The following ARHGAP22 variants were observed in gnomAD, a reference collection of about 807,000 sequenced individuals.
The protein encoded by ARHGAP22 is Rho GTPase activating protein 22, also known as rho GTPase-activating protein 22.
ARHGAP22 carries 48 observed loss-of-function variants against 59.1 expected under a neutral mutation model. The observed-to-expected ratio is 0.81, with a 90% CI of 0.64 to 1.03. ARHGAP22 has a LOEUF of 1.03. Ranked by LOEUF, ARHGAP22 falls within the 50% of genes least tolerant of loss-of-function variation. ARHGAP22 has a pLI of 0.00. For missense variants in ARHGAP22, 1,015 were observed against 958.7 expected, an observed-to-expected ratio of 1.06 and a Z score of -0.78; for synonymous variants, 445 against 416.4, an observed-to-expected ratio of 1.07 and a Z score of -0.84.
intron 1 of ARHGAP22, among the ~76,000 whole-genome samples, chr10:48,643,742 A>C (rs2062161859): frequency 7.5e-6 from 1 of 133,872 alleles, no homozygotes; most frequent in Admixed American, 7.1e-5. Context: ...CCTAGAACTT[A>C]AAGTATAATT....
At chr10:48,646,873 T>C (rs1238329693) in intron 1 of ARHGAP22, among the ~76,000 whole-genome samples, 2 of 152,134 alleles carry the variant, frequency 1.3e-5, no homozygotes, top group African/African-American at 4.8e-5. Context: ...AAAGAAAAGA[T>C]AGAAAAACTG....
intron 1 of ARHGAP22, among the ~76,000 whole-genome samples, chr10:48,631,811 T>G (rs893122601): frequency 2.0e-5 from 3 of 152,230 alleles, no homozygotes; most frequent in Non-Finnish European, 2.9e-5. Flanking sequence ...TTACTTTCAT[T>G]TATTCCTTCT....
chr10:48,476,569 T>C (rs1347613896), intron 4 of ARHGAP22, among the ~76,000 whole-genome samples: 1 of 152,192 alleles, frequency 6.6e-6, no homozygotes, highest in Non-Finnish European at 1.5e-5. Context: ...CCCAGACACG[T>C]CTGGCATCGC....
chr10:48,617,119 A>T, intron 1 of ARHGAP22, among the ~76,000 whole-genome samples: 1 of 152,010 alleles, frequency 6.6e-6, no homozygotes, highest in East Asian at 1.9e-4. Flanking sequence ...ATTGATATTA[A>T]GTTGGTATTA....
chr10:48,446,399 G>T lies in ARHGAP22; in HGVS notation c.2089C>A (p.Pro697Thr), dbSNP rs768138963. 6.2e-7 allele frequency: 1 copy of T among 1,614,044 alleles called. No individual in the cohort carries two copies. Among genetic ancestry groups the T allele is most frequent in the Admixed American group, 1.7e-5 (1 of 60,020 alleles). ...LTVGAKGARA[P>T]K Reference sequence around the variant, plus strand: ...GAGCTCTGCCATTCCTTTTACTTTGGGGCCCTGGCACCTTTTGCCCCAACA... The same window carrying T: ...GAGCTCTGCCATTCCTTTTACTTTGTGGCCCTGGCACCTTTTGCCCCAACA... The change falls in exon 10 of 10, where the codon CCA (proline) becomes ACA (threonine). Residue 697 changes from proline (P) to threonine (T), a missense_variant. By Grantham distance (38) the Pro-to-Thr change is conservative. Transcript: ENST00000249601.
chr10:48,450,588 C>G lies in ARHGAP22; in HGVS notation c.1541G>C (p.Gly514Ala). The change falls in exon 9 of 10, where the codon GGG becomes GCG. Residue 514 changes from glycine to alanine, a missense_variant. Gly to Ala is a moderately conservative substitution (Grantham distance 60). Coordinates refer to ENST00000249601, the MANE Select transcript of ARHGAP22 (RefSeq NM_021226.4). ...CACCGACGACTCGCTGGACGAGGCC[C>G]CGGACCACGCCATACTGGCCACGCT... ...IPSVASMAWS[G>A]ASSSESSVGG... 1 of 1,543,698 alleles carries G rather than the reference C, an allele frequency of 6.5e-7. No individual in the cohort carries two copies. The highest frequency in any genetic ancestry group is 8.7e-7 in the Non-Finnish European group (1 of 1,145,498).
At chr10:48,485,139 C>T (rs2049724506) in intron 3 of ARHGAP22, among the ~76,000 whole-genome samples, 1 of 152,164 alleles carries the variant, frequency 6.6e-6, no homozygotes, top group African/African-American at 2.4e-5. Flanking sequence ...TGTAGGTTGC[C>T]GACTTGGGTC....
At chr10:48,600,129 G>T (rs1308429323) in intron 1 of ARHGAP22, among the ~76,000 whole-genome samples, 1 of 152,174 alleles carries the variant, frequency 6.6e-6, no homozygotes, top group African/African-American at 2.4e-5. Flanking sequence ...ATTAAAATAG[G>T]ACATTTGCAT....
At chr10:48,486,937 G>T (rs2049917943) in intron 3 of ARHGAP22, among the ~76,000 whole-genome samples, 2 of 152,176 alleles carry the variant, frequency 1.3e-5, no homozygotes, top group South Asian at 2.1e-4. Context: ...TTTCTCATGA[G>T]AATTTTGCCA....
In ARHGAP22 at chr10:48,453,382, T is replaced by C. The variant is rs1299405171; in HGVS notation, c.910A>G (p.Ser304Gly). ...AAAACGGTTGCCAGATTCTGGACAC[T>C]CATCTTGTTGACATTTGAGTATGCC... ...VQAYSNVNKM[S>G]VQNLATVFGP... Residue 304 changes from serine (S) to glycine (G), a missense_variant, in exon 8 of 10, where the codon AGT (serine) becomes GGT (glycine). Physicochemically the swap from Ser to Gly is moderately conservative, Grantham distance 56. Transcript: ENST00000249601. The C allele has an allele frequency of 3.7e-6, 6 of 1,614,046 alleles. No homozygotes were observed. The East Asian group carries it at 1.3e-4, about 36-fold the overall frequency.
In ARHGAP22 at chr10:48,639,759, C is replaced by T. The variant is rs116268440; in HGVS notation, c.52+12475G>A. On this transcript the variant is annotated intron_variant, in intron 1 of 9. Coordinates refer to the ARHGAP22 transcript ENST00000435790. ...ATCATGTGAGAAAATCAGAATTCAG[C>T]GTTCTTAAAATATGTTATCTAAAAT... Among the ~76,000 whole-genome samples, 365 of 152,072 alleles carry T rather than the reference C, an allele frequency of 2.4e-3. 1 individual carries two copies. Among genetic ancestry groups the T allele is most frequent in the African/African-American group, 8.4e-3 (349 of 41,492 alleles).
chr10:48,493,539 C>T, intron 3 of ARHGAP22: 1 of 1,526,756 alleles, frequency 6.5e-7, no homozygotes, highest in South Asian at 1.2e-5. Flanking sequence ...GCCAGACACA[C>T]CTGTTGGGGT....
At chr10:48,522,317 G>A (rs2053881438) in intron 3 of ARHGAP22, among the ~76,000 whole-genome samples, 2 of 152,354 alleles carry the variant, frequency 1.3e-5, no homozygotes, top group South Asian at 4.1e-4. Flanking sequence ...CTCTCGGGTA[G>A]GTGGGAGGGT....
At chr10:48,529,624 G>A (rs2054633277) in intron 3 of ARHGAP22, among the ~76,000 whole-genome samples, 1 of 152,192 alleles carries the variant, frequency 6.6e-6, no homozygotes, top group Non-Finnish European at 1.5e-5. Flanking sequence ...AGGCTGTCCT[G>A]GAAGTGGATT....
intron 3 of ARHGAP22, among the ~76,000 whole-genome samples, chr10:48,502,615 T>G (rs1408676368): frequency 1.3e-5 from 2 of 152,210 alleles, no homozygotes; most frequent in Non-Finnish European, 2.9e-5. Flanking sequence ...TCCAGGTGTT[T>G]GCACATGCTG....
At chr10:48,582,634 C>T (rs2059186963) in intron 2 of ARHGAP22, 1 of 403,582 alleles carries the variant, frequency 2.5e-6, no homozygotes, top group Non-Finnish European at 4.5e-6. Flanking sequence ...GAAATGTGTG[C>T]ATGTATGTCC....
intron 1 of ARHGAP22, among the ~76,000 whole-genome samples, chr10:48,648,344 G>A (rs188827395): frequency 6.6e-6 from 1 of 152,296 alleles, no homozygotes; most frequent in East Asian, 1.9e-4. Context: ...TGGTGGGACT[G>A]CACTTCCTGG....
intron 3 of ARHGAP22, among the ~76,000 whole-genome samples, chr10:48,491,729 G>GT (rs2050412302): frequency 6.6e-6 from 1 of 152,266 alleles, no homozygotes; most frequent in South Asian, 2.1e-4. Flanking sequence ...ACTGATGAGC[G>GT]TGAGTAGTGT....
chr10:48,461,724 C>A (rs61838728), intron 4 of ARHGAP22, among the ~76,000 whole-genome samples: 6,823 of 152,296 alleles, frequency 0.045, 199 homozygotes, highest in African/African-American at 0.074. Context: ...CTACAAGGTG[C>A]GTGCCTGACT....
Sources: gnomAD v4.1 joint callset for allele counts (sites outside exome capture counted in the v4.1 genomes callset) on GRCh38, gnomAD v4.1.1 for gene constraint, MANE v1.5 for transcripts, NCBI Gene and HGNC (gene_info 2026-07-23, HGNC 2026-07-21) for gene names.